Variants in ZNF277 observed in about 807,000 individuals in gnomAD.
ZNF277 encodes the protein zinc finger protein 277, also known as nuclear receptor-interacting factor 4.
In ZNF277, 55 loss-of-function variants were observed where a neutral mutation model predicts 60.7. The observed-to-expected ratio is 0.91, with a 90% confidence interval of 0.73 to 1.13. The LOEUF is 1.13. Among genes scored for constraint, ZNF277 ranks in the 50% most tolerant of loss-of-function variants. The pLI is 0.00. For missense variants in ZNF277, 510 were observed against 523.0 expected (o/e 0.98, Z 0.24); for synonymous variants, 178 against 179.3 (o/e 0.99, Z 0.06).
At chr7:112,231,768 TACTGTTATC>T (rs1204202592) in intron 1 of ZNF277, among the ~76,000 whole-genome samples, 1 of 152,066 alleles carries the variant, frequency 6.6e-6, no homozygotes, top group Non-Finnish European at 1.5e-5. Context: ...TTACATCAAG[TACTGTTATC>T]AACACAACCA....
At chr7:112,269,677 T>C (rs1333934666) in intron 1 of ZNF277, among the ~76,000 whole-genome samples, 1 of 152,082 alleles carries the variant, frequency 6.6e-6, no homozygotes, top group Non-Finnish European at 1.5e-5. Flanking sequence ...ATCTCTAAAG[T>C]GGGTTTTTGA....
At chr7:112,313,556 C>A (rs1792778559) in intron 4 of ZNF277, among the ~76,000 whole-genome samples, 1 of 152,062 alleles carries the variant, frequency 6.6e-6, no homozygotes, top group African/African-American at 2.4e-5. Context: ...ATCCCCAAAT[C>A]CCTAGTCCTA....
At chr7:112,219,862 C>T (rs576085436) in intron 1 of ZNF277, among the ~76,000 whole-genome samples, 1 of 152,320 alleles carries the variant, frequency 6.6e-6, no homozygotes, top group African/African-American at 2.4e-5. Context: ...GTCTCCAACT[C>T]CTGGGTTCAA....
chr7:112,214,175 A>G (rs1821823817), intron 1 of ZNF277, among the ~76,000 whole-genome samples: 1 of 152,212 alleles, frequency 6.6e-6, no homozygotes, highest in African/African-American at 2.4e-5. Flanking sequence ...ATACACACTC[A>G]TACACTTCCA....
chr7:112,327,969 C>T (rs1793136962), intron 6 of ZNF277, 142 bp downstream of exon 6: 1 of 613,238 alleles, frequency 1.6e-6, no homozygotes, highest in Admixed American at 3.4e-5. Context: ...TACGACAGTC[C>T]TTATTTTGTC....
chr7:112,227,204 A>G (rs1447669838), intron 1 of ZNF277, among the ~76,000 whole-genome samples: 1 of 152,210 alleles, frequency 6.6e-6, no homozygotes, highest in Non-Finnish European at 1.5e-5. Context: ...AAATTAGTTG[A>G]TCCTGCTGTG....
intron 1 of ZNF277, among the ~76,000 whole-genome samples, chr7:112,215,551 C>G (rs899617399): frequency 6.6e-6 from 1 of 152,224 alleles, no homozygotes; most frequent in Non-Finnish European, 1.5e-5. Context: ...ATAAGAGAGT[C>G]TCTTCTAGTT....
chr7:112,329,240 ATTATAC>A (rs1188666441), intron 6 of ZNF277, among the ~76,000 whole-genome samples: 1 of 152,208 alleles, frequency 6.6e-6, no homozygotes, highest in African/African-American at 2.4e-5. Context: ...TGTAAAATAT[ATTATAC>A]TTAGACACTA....
intron 8 of ZNF277, among the ~76,000 whole-genome samples, chr7:112,337,329 C>G (rs948262930): frequency 6.6e-6 from 1 of 152,184 alleles, no homozygotes; most frequent in Non-Finnish European, 1.5e-5. Flanking sequence ...CATGCAGAAA[C>G]ACATTCCCGG....
At chr7:112,269,744 A>G (rs1563210335) in intron 1 of ZNF277, among the ~76,000 whole-genome samples, 1 of 152,084 alleles carries the variant, frequency 6.6e-6, no homozygotes, top group Non-Finnish European at 1.5e-5. Context: ...CACTTTTTCA[A>G]TATGTGGGAT....
intron 4 of ZNF277, among the ~76,000 whole-genome samples, chr7:112,310,363 C>A (rs1584399766): frequency 2.6e-5 from 4 of 151,786 alleles, no homozygotes; most frequent in African/African-American, 9.7e-5. Flanking sequence ...CAAGGGCCAT[C>A]CGAATTCTCC....
Position 112,342,575 on chromosome 7 carries a change from C to A in ZNF277, c.1199C>A (p.Thr400Asn). The A allele has an allele frequency of 6.2e-7, 1 of 1,603,566 alleles. No individual in the cohort carries two copies. The highest frequency in any genetic ancestry group is 1.1e-5 in the South Asian group (1 of 89,154). Reference protein sequence around the residue: ...TWDQLEYYFPTYENDTLLCTL... With the variant: ...TWDQLEYYFPNYENDTLLCTL... ...GTTGTTTTCAGGTATTATTTTCCAA[C>A]CTATGAAAATGACACTCTCCTGTGT... The change falls in exon 12 of 12, where the codon ACC becomes AAC. Residue 400 changes from threonine to asparagine, a missense_variant. Thr to Asn is a moderately conservative substitution (Grantham distance 65). Coordinates refer to ENST00000361822, the MANE Select transcript of ZNF277 (RefSeq NM_021994.3).
intron 1 of ZNF277, among the ~76,000 whole-genome samples, chr7:112,210,465 G>GTTTTTTTTTTTTTTTTTTT (rs66533644): frequency 7.5e-6 from 1 of 132,686 alleles, no homozygotes. Flanking sequence ...TTTGTTTTTT[G>GTTTTTTTTTTTTTTTTTTT]TTTTTTTTTT....
At chr7:112,341,551 A>G (rs955296565) in intron 11 of ZNF277, among the ~76,000 whole-genome samples, 6 of 152,200 alleles carry the variant, frequency 3.9e-5, no homozygotes, top group African/African-American at 1.2e-4. Context: ...TAAAATTACT[A>G]TGTCAGAGTT....
intron 4 of ZNF277, among the ~76,000 whole-genome samples, chr7:112,304,605 T>C (rs1792550014): frequency 1.3e-5 from 2 of 152,198 alleles, no homozygotes; most frequent in African/African-American, 4.8e-5. Context: ...CTGAACTTTT[T>C]ATACTTTTAA....
At chr7:112,253,824 C>T (rs1185556304) in intron 1 of ZNF277, among the ~76,000 whole-genome samples, 1 of 152,048 alleles carries the variant, frequency 6.6e-6, no homozygotes, top group Non-Finnish European at 1.5e-5. Flanking sequence ...TAATTTGTAC[C>T]TTAATTTACA....
chr7:112,319,788 A>G (rs181957399), intron 5 of ZNF277, among the ~76,000 whole-genome samples: 4 of 151,640 alleles, frequency 2.6e-5, no homozygotes, highest in Admixed American at 6.6e-5. Context: ...ATCAGTTAGC[A>G]TAGAGAAAAA....
intron 1 of ZNF277, among the ~76,000 whole-genome samples, chr7:112,250,402 T>A (rs1170547271): frequency 6.6e-6 from 1 of 152,146 alleles, no homozygotes; most frequent in East Asian, 1.9e-4. Context: ...TGCCTCCACT[T>A]GCCTTGTGAT....
At chr7:112,241,272 C>A (rs1790943511) in intron 1 of ZNF277, among the ~76,000 whole-genome samples, 1 of 152,042 alleles carries the variant, frequency 6.6e-6, no homozygotes, top group African/African-American at 2.4e-5. Flanking sequence ...CTCAACATAA[C>A]TGATCATCAG....
Sources: gnomAD v4.1 joint callset for allele counts (sites outside exome capture counted in the v4.1 genomes callset) on GRCh38, gnomAD v4.1.1 for gene constraint, MANE v1.5 for transcripts, NCBI Gene and HGNC (gene_info 2026-07-23, HGNC 2026-07-21) for gene names.